The following EXOC4 variants were observed in gnomAD, a reference collection of about 807,000 sequenced individuals.
EXOC4 encodes exocyst complex component 4.
EXOC4 carries 71 observed loss-of-function variants against 107.2 expected under a neutral mutation model. The ratio of observed to expected loss-of-function variants is 0.66; its 90% CI spans 0.55 to 0.81. EXOC4 has a LOEUF of 0.81. Ranked by LOEUF, EXOC4 falls within the 30% of genes least tolerant of loss-of-function variation. The pLI is 0.00. For synonymous variants in EXOC4, 456 were observed against 441.2 expected (o/e 1.03, Z -0.42); for missense variants, 1,108 against 1,189.6 (o/e 0.93, Z 1.01).
At chr7:134,067,638 TACACACACACACAC>T (rs60853968), downstream of EXOC4, among the ~76,000 whole-genome samples, 9 of 132,148 alleles carry the variant, frequency 6.8e-5, no homozygotes, top group African/African-American at 2.4e-4. Flanking sequence ...TATATATATA[TACACACACACACAC>T]ACACACACAC....
chr7:133,695,262 C>T (rs567561980), intron 10 of EXOC4, among the ~76,000 whole-genome samples: 19 of 151,964 alleles, frequency 1.3e-4, no homozygotes, highest in East Asian at 5.8e-4. Flanking sequence ...TTTAACATAA[C>T]GACTTGCAGT....
chr7:133,397,699 G>A (rs1026442618), intron 7 of EXOC4, among the ~76,000 whole-genome samples: 1 of 151,668 alleles, frequency 6.6e-6, no homozygotes, highest in African/African-American at 2.4e-5. Context: ...TTCCCTCTGA[G>A]CATTTGTACT....
At chr7:133,502,218 A>C (rs1450204802) in intron 9 of EXOC4, among the ~76,000 whole-genome samples, 1 of 152,152 alleles carries the variant, frequency 6.6e-6, no homozygotes, top group Admixed American at 6.5e-5. Flanking sequence ...ATTGCTATTA[A>C]GACAATGGGA....
chr7:133,699,236 C>G (rs112477094), intron 10 of EXOC4, among the ~76,000 whole-genome samples: 1 of 152,138 alleles, frequency 6.6e-6, no homozygotes, highest in South Asian at 2.1e-4. Context: ...CCCCTCAGGT[C>G]CATTCCTCAA....
At chr7:133,979,671 C>T (rs1348546570) in intron 14 of EXOC4, among the ~76,000 whole-genome samples, 6 of 151,942 alleles carry the variant, frequency 3.9e-5, no homozygotes, top group African/African-American at 1.5e-4. Context: ...GCCTGTAGTC[C>T]CAGCTACTCG....
At chr7:133,910,692 G>C (rs1799673324) in intron 12 of EXOC4, among the ~76,000 whole-genome samples, 1 of 152,102 alleles carries the variant, frequency 6.6e-6, no homozygotes, top group African/African-American at 2.4e-5. Context: ...ATTTCACTGC[G>C]GTTTCGTCTG....
intron 10 of EXOC4, among the ~76,000 whole-genome samples, chr7:133,723,857 G>A (rs755086582): frequency 1.3e-5 from 2 of 151,718 alleles, no homozygotes; most frequent in Admixed American, 6.6e-5. Flanking sequence ...TTGAACTCCT[G>A]GGCTCCAACA....
intron 7 of EXOC4, among the ~76,000 whole-genome samples, chr7:133,388,735 T>G (rs1336161841): frequency 6.6e-6 from 1 of 152,198 alleles, no homozygotes; most frequent in Non-Finnish European, 1.5e-5. Context: ...TCAAATATTA[T>G]AATTATTTTT....
chr7:133,667,452 G>T (rs1187234949), intron 10 of EXOC4, among the ~76,000 whole-genome samples: 1 of 152,136 alleles, frequency 6.6e-6, no homozygotes, highest in South Asian at 2.1e-4. Context: ...GGAAATTGAG[G>T]GACTGAGAAT....
At chr7:133,277,127 A>G (rs1013288931) in intron 2 of EXOC4, among the ~76,000 whole-genome samples, 5 of 152,178 alleles carry the variant, frequency 3.3e-5, no homozygotes, top group African/African-American at 1.2e-4. Context: ...ACGCCTGGCT[A>G]TAACTGGGCA....
At chr7:133,506,385 A>G (rs1399440948) in intron 9 of EXOC4, among the ~76,000 whole-genome samples, 3 of 152,132 alleles carry the variant, frequency 2.0e-5, no homozygotes, top group African/African-American at 4.8e-5. Context: ...TATGTTCCCT[A>G]GAACAGTTAG....
chr7:133,364,756 C>T (rs1473831071), intron 6 of EXOC4, among the ~76,000 whole-genome samples: 1 of 152,202 alleles, frequency 6.6e-6, no homozygotes, highest in Non-Finnish European at 1.5e-5. Context: ...CATCTGCCAT[C>T]TGGTATCTCA....
intron 9 of EXOC4, among the ~76,000 whole-genome samples, chr7:133,497,827 G>T (rs1356124611): frequency 6.6e-6 from 1 of 152,128 alleles, no homozygotes. Flanking sequence ...ATGTCTATCA[G>T]TCTTAAAATA....
chr7:133,281,172 T>C (rs774965994), intron 2 of EXOC4, among the ~76,000 whole-genome samples: 1 of 152,184 alleles, frequency 6.6e-6, no homozygotes, highest in Non-Finnish European at 1.5e-5. Flanking sequence ...TTTGTAGTTC[T>C]AAAAGGCTTT....
intron 10 of EXOC4, among the ~76,000 whole-genome samples, chr7:133,696,904 A>C (rs1482091328): frequency 6.6e-6 from 1 of 152,226 alleles, no homozygotes; most frequent in Non-Finnish European, 1.5e-5. Context: ...GATTTTACAA[A>C]TGGCTCAATT....
chr7:133,763,561 G>C lies in EXOC4; in HGVS notation c.1515-53764G>C, dbSNP rs938010410. ...TGTAAAATAACTTCATGAGGTTGTT[G>C]GAAGAAGTAAATGAGTTAATACACA... On this transcript the variant is annotated intron_variant, in intron 10 of 17. Transcript: ENST00000253861. 5.3e-5 allele frequency among the ~76,000 whole-genome samples: 8 copies of C among 152,184 alleles called. No individual in the cohort carries two copies. In the South Asian group the frequency reaches 1.7e-3, roughly 32 times the overall value.
At chr7:133,281,988 C>T (rs991015624) in intron 2 of EXOC4, among the ~76,000 whole-genome samples, 4 of 152,258 alleles carry the variant, frequency 2.6e-5, no homozygotes, top group Middle Eastern at 3.4e-3. Flanking sequence ...CAGGCGAGAG[C>T]GATCACGCCC....
chr7:133,864,811 T>A (rs1480682472), intron 11 of EXOC4, among the ~76,000 whole-genome samples: 1 of 152,168 alleles, frequency 6.6e-6, no homozygotes, highest in African/African-American at 2.4e-5. Context: ...AGGCCAGATA[T>A]CAGATTCCTC....
At chr7:133,437,612 TTTTTCCACTTCACA>T (rs1798005844) in intron 7 of EXOC4, among the ~76,000 whole-genome samples, 2 of 152,198 alleles carry the variant, frequency 1.3e-5, no homozygotes, top group African/African-American at 4.8e-5. Context: ...TATCTAATCT[TTTTTCCACTTCACA>T]TCTTTTATTT....
Sources: gnomAD v4.1 joint callset for allele counts (sites outside exome capture counted in the v4.1 genomes callset) on GRCh38, gnomAD v4.1.1 for gene constraint, MANE v1.5 for transcripts, NCBI Gene and HGNC (gene_info 2026-07-23, HGNC 2026-07-21) for gene names.